The following THRAP3 variants were observed in gnomAD, a reference collection of about 807,000 sequenced individuals.
THRAP3 encodes the protein thyroid hormone receptor associated protein 3, also known as thyroid hormone receptor-associated protein 3.
THRAP3 carries 16 observed loss-of-function variants against 101.0 expected under a neutral mutation model. The ratio of observed to expected loss-of-function variants is 0.16; its 90% CI spans 0.11 to 0.24. The LOEUF (loss-of-function observed/expected upper bound fraction) is 0.24. THRAP3 is among the 10% of genes least tolerant of loss of function. The probability of loss-of-function intolerance (pLI) is 1.00; values close to 1 mark genes in which losing one functional copy is unlikely to be tolerated. For synonymous variants in THRAP3, 407 were observed against 422.6 expected (o/e 0.96, Z 0.45); for missense variants, 989 against 1,202.7 (o/e 0.82, Z 2.63).
rs1557811461 is a variant in THRAP3, at chr1:36,241,424, TATATAC to T, written c.-135+16921_-135+16926del. On this transcript the variant is annotated intron_variant, in intron 1 of 11. Coordinates refer to ENST00000354618, the MANE Select transcript of THRAP3 (RefSeq NM_005119.4). ...ATATATATATATATATATATATATA[TATATAC>T]ACATATATAAATAAATATATATTCT... Among the ~76,000 whole-genome samples, 70 of 134,184 alleles carry T rather than the reference TATATAC, an allele frequency of 5.2e-4. 1 individual carries two copies. Among genetic ancestry groups the T allele is most frequent in the African/African-American group, 1.9e-3 (61 of 32,906 alleles). The allele number at this position is 134,184 out of a possible 152,430, so 88.0% of individuals were successfully genotyped here. A position where few individuals can be genotyped will look rare whatever the true frequency, so the allele number is the denominator to read the frequency against.
chr1:36,267,197 T>C (rs1645526641), intron 2 of THRAP3, among the ~76,000 whole-genome samples: 1 of 152,154 alleles, frequency 6.6e-6, no homozygotes, highest in Non-Finnish European at 1.5e-5. Context: ...AATAAGAATC[T>C]TAAATAATTT....
rs776655662 is a variant in THRAP3, at chr1:36,293,954, C to G, written c.2115+19C>G. On this transcript the variant is annotated intron_variant, in intron 8 of 11. Coordinates refer to ENST00000354618, the MANE Select transcript of THRAP3 (RefSeq NM_005119.4). ...CTACAAGGTGAACTGTTGATTTGAT[C>G]AGTAATTCCAACAAAATGAGTGCGT... 3 of 1,607,340 alleles carry G rather than the reference C, an allele frequency of 1.9e-6. No homozygotes were observed. Among genetic ancestry groups the G allele is most frequent in the Non-Finnish European group, 2.6e-6 (3 of 1,174,962 alleles).
chr1:36,274,811 T>C (rs1645634929), intron 2 of THRAP3, among the ~76,000 whole-genome samples: 1 of 151,246 alleles, frequency 6.6e-6, no homozygotes, highest in African/African-American at 2.4e-5. Flanking sequence ...TTTTGTATTT[T>C]TAGTAGAGAC....
At chr1:36,232,587 A>G (rs1047054848) in intron 1 of THRAP3, among the ~76,000 whole-genome samples, 81 of 152,324 alleles carry the variant, frequency 5.3e-4, no homozygotes, top group Non-Finnish European at 2.8e-4. Flanking sequence ...GAATCTAGTC[A>G]CTACCTAGGA....
intron 2 of THRAP3, among the ~76,000 whole-genome samples, chr1:36,276,373 AATT>A (rs1311153853): frequency 1.3e-5 from 2 of 151,940 alleles, no homozygotes; most frequent in Admixed American, 6.6e-5. Context: ...AAATACAAAA[AATT>A]AGCCAGCTGT....
intron 1 of THRAP3, among the ~76,000 whole-genome samples, chr1:36,234,233 G>T (rs1645060736): frequency 6.6e-6 from 1 of 152,112 alleles, no homozygotes; most frequent in South Asian, 2.1e-4. Flanking sequence ...ACCACACCCG[G>T]CCAACATTTT....
chr1:36,225,005 C>G (rs1358192487), intron 1 of THRAP3: 1 of 152,260 alleles, frequency 6.6e-6, no homozygotes, highest in Admixed American at 6.5e-5. Context: ...CCAAATTTGT[C>G]TCCTACGGGA....
intron 2 of THRAP3, among the ~76,000 whole-genome samples, chr1:36,277,114 G>A (rs1053867904): frequency 1.3e-5 from 2 of 151,350 alleles, no homozygotes; most frequent in African/African-American, 4.8e-5. Context: ...GATTACAGGC[G>A]CCTGCCACCA....
rs770915491 is a variant in THRAP3, at chr1:36,286,552, C to T, written c.322C>T (p.Arg108Cys). The T allele has an allele frequency of 7.4e-6, 12 of 1,614,060 alleles. No homozygotes were observed. Among genetic ancestry groups the T allele is most frequent in the South Asian group, 1.1e-5 (1 of 91,074 alleles). The change falls in exon 4 of 12, where the codon CGC (arginine) becomes TGC (cysteine). Residue 108 changes from arginine (R) to cysteine (C), a missense_variant. Arg to Cys is a radical substitution (Grantham distance 180). Coordinates refer to ENST00000354618, the MANE Select transcript of THRAP3 (RefSeq NM_005119.4). The surrounding 1 kb of genome is among the most constrained non-coding windows in gnomAD (Gnocchi z 5.5). ...TAACCGAGGAGGCTATGGAAACTAC[C>T]GCTCAAATTGGCAGAATTACCGGCA... ...QYNRGGYGNY[R>C]SNWQNYRQAY... is the part of the protein sequence containing the mutation.
At chr1:36,220,466 A>C (rs1057481675), upstream of THRAP3, among the ~76,000 whole-genome samples, 1 of 152,184 alleles carries the variant, frequency 6.6e-6, no homozygotes, top group African/African-American at 2.4e-5. Context: ...ACTTGAGGTC[A>C]GGAGTTCGAG....
At chr1:36,292,797 C>A (rs1645893158) in intron 7 of THRAP3, 88 bp downstream of exon 7, 2 of 963,484 alleles carry the variant, frequency 2.1e-6, no homozygotes, top group Admixed American at 4.6e-5. Flanking sequence ...GCTGCTAATG[C>A]ACCTTTAATA....
At chr1:36,210,602 A>G in the THRAP3 span, among the ~76,000 whole-genome samples, 1 of 138,042 alleles carries the variant, frequency 7.2e-6, no homozygotes, top group Non-Finnish European at 1.5e-5. Context: ...AGGCAGGGAA[A>G]TTGCTTGAAC....
rs1645891800 is a variant in THRAP3, at chr1:36,292,698, A to G, written c.2019A>G (p.Pro673=). The G allele has an allele frequency of 6.2e-7, 1 of 1,613,188 alleles. No homozygotes were observed. The highest frequency in any genetic ancestry group is 8.5e-7 in the Non-Finnish European group (1 of 1,179,330). ...AGGCAGCCAAAAACAAGAAAAGCCC[A>G]GAGATACACAGGTAAGGACCATGGC... The part of the protein sequence containing the change: ...EQEAAKNKKS[P]EIHRRIDISP... The change falls in exon 7 of 12, where the codon CCA becomes CCG. Residue 673 remains proline, a synonymous_variant. Coordinates refer to ENST00000354618, the MANE Select transcript of THRAP3 (RefSeq NM_005119.4).
At chr1:36,209,630 A>G in the THRAP3 span, among the ~76,000 whole-genome samples, 1 of 152,304 alleles carries the variant, frequency 6.6e-6, no homozygotes, top group East Asian at 1.9e-4. Flanking sequence ...CGTGCCAGCA[A>G]GTAGCTTGGA....
chr1:36,300,906 A>G lies in THRAP3; in HGVS notation c.2324A>G (p.Asp775Gly), dbSNP rs983268288. 1.9e-6 allele frequency: 3 copies of G among 1,613,338 alleles called. No individual in the cohort carries two copies. The African/African-American group carries it at 4.0e-5, about 22-fold the overall frequency. ...CACAGGAAGCATCGGAGAGCAAGAG[A>G]CAGGTCCAGATCCTCCTCCTCTTCC... ...KKQKKHRRAR[D>G]RSRSSSSSSQ... The change falls in exon 10 of 12, where the codon GAC becomes GGC. Residue 775 changes from aspartate (D) to glycine (G), a missense_variant. Asp to Gly is a moderately conservative substitution (Grantham distance 94). Coordinates refer to ENST00000354618, the MANE Select transcript of THRAP3 (RefSeq NM_005119.4).
upstream of THRAP3, among the ~76,000 whole-genome samples, chr1:36,221,466 T>C (rs1326874397): frequency 6.6e-6 from 1 of 152,104 alleles, no homozygotes. Flanking sequence ...GCTCTCTTAT[T>C]ATCAGAAACT....
intron 3 of THRAP3, among the ~76,000 whole-genome samples, chr1:36,285,263 A>T (rs1645780909): frequency 6.6e-6 from 1 of 152,244 alleles, no homozygotes; most frequent in South Asian, 2.1e-4. Context: ...ATATTATTTG[A>T]AAGAGTTTTC....
Position 36,291,440 on chromosome 1 carries a change from A to G in THRAP3, c.1812A>G (p.Glu604=), listed in dbSNP as rs1645867119. Residue 604 remains glutamate, a synonymous_variant, in exon 6 of 12, where the codon GAA becomes GAG. Coordinates refer to ENST00000354618, the MANE Select transcript of THRAP3 (RefSeq NM_005119.4). ...CRDLVHSNKK[E]QEFRSIFQHI... ...ATCTAGTCCATAGCAACAAAAAGGA[A>G]CAGGAGTTTCGTTCCATTTTCCAGC... The G allele has an allele frequency of 1.2e-6, 2 of 1,614,230 alleles. No individual in the cohort carries two copies. Among genetic ancestry groups the G allele is most frequent in the African/African-American group, 1.3e-5 (1 of 75,052 alleles).
At chr1:36,301,738 G>T in intron 11 of THRAP3, 42 bp downstream of exon 11, 1 of 1,583,782 alleles carries the variant, frequency 6.3e-7, no homozygotes, top group Non-Finnish European at 8.6e-7. Context: ...GAGGGCCTTT[G>T]ACACACAGAG....
Sources: gnomAD v4.1 joint callset for allele counts (sites outside exome capture counted in the v4.1 genomes callset) on GRCh38, gnomAD v4.1.1 for gene constraint, Gnocchi (gnomAD v3.1) non-coding constraint, MANE v1.5 for transcripts, NCBI Gene and HGNC (gene_info 2026-07-23, HGNC 2026-07-21) for gene names.